EXOC6B: variants seen among roughly 807,000 people sequenced by gnomAD.
EXOC6B encodes SEC15 homolog B.
EXOC6B carries 54 observed loss-of-function variants against 113.5 expected under a neutral mutation model. The observed-to-expected ratio is 0.48, with a 90% CI of 0.38 to 0.60. EXOC6B has a LOEUF of 0.60. EXOC6B is among the 20% of genes least tolerant of loss of function. The probability of loss-of-function intolerance (pLI) is 0.00; values close to 1 mark genes in which losing one functional copy is unlikely to be tolerated. For missense variants in EXOC6B, 797 were observed against 977.5 expected, an observed-to-expected ratio of 0.82 and a Z score of 2.46; for synonymous variants, 357 against 339.0, an observed-to-expected ratio of 1.05 and a Z score of -0.58.
intron 18 of EXOC6B, among the ~76,000 whole-genome samples, chr2:72,438,774 C>T (rs998260017): frequency 1.2e-4 from 18 of 152,084 alleles, no homozygotes; most frequent in Admixed American, 2.6e-4. Flanking sequence ...ACTTTTAATG[C>T]ACTCTTTTTT....
rs191250106 is a variant in EXOC6B, at chr2:72,823,809, C to T, written c.113+1989G>A. On this transcript the variant is annotated intron_variant, in intron 1 of 21. Transcript: ENST00000272427. ...AAAAAAAAAGAAGGATGGTTGCATC[C>T]GCACTAAACATGCTACAGACATTTG... Among the ~76,000 whole-genome samples the T allele has an allele frequency of 8.5e-4, 130 of 152,094 alleles. 2 individuals carry two copies. In the South Asian group the frequency reaches 0.026, roughly 30 times the overall value.
intron 18 of EXOC6B, among the ~76,000 whole-genome samples, chr2:72,386,015 T>C (rs541272798): frequency 2.6e-5 from 4 of 152,208 alleles, no homozygotes; most frequent in South Asian, 4.1e-4. Flanking sequence ...AATGAATATA[T>C]ACCCAAAGGA....
Position 72,196,644 on chromosome 2 carries a change from C to T in EXOC6B, c.2197-12457G>A, listed in dbSNP as rs75891487. Among the ~76,000 whole-genome samples the T allele has an allele frequency of 2.6e-3, 390 of 152,250 alleles. 2 individuals carry two copies. The highest frequency in any genetic ancestry group is 6.8e-3 in the Middle Eastern group (2 of 294). ...CATTTTTGTTTGTTTGTTTTCCATCCATAAACTTCAAATTTCAAAAGGGTT... is the reference window on the plus strand; with the variant it reads ...CATTTTTGTTTGTTTGTTTTCCATCTATAAACTTCAAATTTCAAAAGGGTT... On this transcript the variant is annotated intron_variant, in intron 20 of 21. Transcript: ENST00000272427.
intron 6 of EXOC6B, among the ~76,000 whole-genome samples, chr2:72,646,849 G>A (rs1673759137): frequency 6.6e-6 from 1 of 152,110 alleles, no homozygotes; most frequent in South Asian, 2.1e-4. Context: ...ATATCATACT[G>A]AATGGGCAAA....
intron 20 of EXOC6B, among the ~76,000 whole-genome samples, chr2:72,325,328 G>A (rs1458005791): frequency 6.6e-6 from 1 of 152,048 alleles, no homozygotes; most frequent in Non-Finnish European, 1.5e-5. Context: ...AGATATAGCT[G>A]GTTGTGTCTG....
Position 72,638,488 on chromosome 2 carries a change from C to G in EXOC6B, c.670-62820G>C, listed in dbSNP as rs139050788. Among the ~76,000 whole-genome samples, 58 of 152,062 alleles carry G rather than the reference C, an allele frequency of 3.8e-4. No homozygotes were observed. In the East Asian group the frequency reaches 0.01, roughly 26 times the overall value. On this transcript the variant is annotated intron_variant, in intron 6 of 21. Coordinates refer to ENST00000272427, the MANE Select transcript of EXOC6B (RefSeq NM_015189.3). The stretch of plus-strand genomic sequence containing the variant: ...TCTGAGAGAAGGTACCGAGAGTGAA[C>G]AGAGGGAAAGACACAGAAGCTAGGC...
chr2:72,646,462 T>G (rs1673723033), intron 6 of EXOC6B, among the ~76,000 whole-genome samples: 1 of 152,124 alleles, frequency 6.6e-6, no homozygotes, highest in Non-Finnish European at 1.5e-5. Context: ...GAGGCCAGCA[T>G]CATCCTGATA....
At chr2:72,520,190 A>G (rs1217102178) in intron 8 of EXOC6B, among the ~76,000 whole-genome samples, 2 of 152,224 alleles carry the variant, frequency 1.3e-5, no homozygotes, top group African/African-American at 4.8e-5. Flanking sequence ...CTCCTACAAC[A>G]ATGCCAGACA....
Position 72,582,565 on chromosome 2 carries a change from G to A in EXOC6B, c.670-6897C>T, listed in dbSNP as rs569587833. On this transcript the variant is annotated intron_variant, in intron 6 of 21. Coordinates refer to ENST00000272427, the MANE Select transcript of EXOC6B (RefSeq NM_015189.3). ...TTTTTTTTTTTTGAGATGGAGTTTC[G>A]CTCTTGTTGCCCAGGCTGGAGTGAA... Among the ~76,000 whole-genome samples the A allele has an allele frequency of 6.0e-5, 9 of 150,740 alleles. No homozygotes were observed. The South Asian group carries it at 1.3e-3, about 21-fold the overall frequency.
intron 17 of EXOC6B, among the ~76,000 whole-genome samples, chr2:72,478,178 C>G (rs1698864101): frequency 6.6e-6 from 1 of 152,124 alleles, no homozygotes; most frequent in Non-Finnish European, 1.5e-5. Flanking sequence ...GATGATTACA[C>G]AGTAGATACA....
intron 19 of EXOC6B, among the ~76,000 whole-genome samples, chr2:72,378,574 T>C (rs114908015): frequency 0.012 from 1,770 of 152,334 alleles, 37 homozygotes; most frequent in African/African-American, 0.039. Flanking sequence ...AGGGTAACTT[T>C]GATACCTTTT....
intron 19 of EXOC6B, among the ~76,000 whole-genome samples, chr2:72,370,223 A>C (rs1001790244): frequency 2.0e-5 from 3 of 152,246 alleles, no homozygotes; most frequent in African/African-American, 7.2e-5. Flanking sequence ...ACACTTCTCA[A>C]AAGAAGACAT....
chr2:72,248,949 G>A (rs1682839078), intron 20 of EXOC6B, among the ~76,000 whole-genome samples: 1 of 152,192 alleles, frequency 6.6e-6, no homozygotes, highest in Non-Finnish European at 1.5e-5. Flanking sequence ...CAAATTTCTA[G>A]TTTCAACAGA....
chr2:72,463,031 A>C (rs939280751), intron 18 of EXOC6B: 1 of 152,108 alleles, frequency 6.6e-6, no homozygotes, highest in African/African-American at 2.4e-5. Context: ...ATGTCTTTCT[A>C]GAATACATCA....
intron 1 of EXOC6B, among the ~76,000 whole-genome samples, chr2:72,820,184 G>A (rs1163015318): frequency 1.3e-5 from 2 of 152,038 alleles, no homozygotes; most frequent in Admixed American, 1.3e-4. Context: ...TAAAGAGCTA[G>A]CTTTATAAAC....
intron 20 of EXOC6B, among the ~76,000 whole-genome samples, chr2:72,300,831 G>C (rs973926007): frequency 1.3e-5 from 2 of 152,100 alleles, no homozygotes; most frequent in African/African-American, 4.8e-5. Flanking sequence ...GCCCCACCCT[G>C]CTTCAAATTA....
At chr2:72,765,194 G>A (rs1301943785) in intron 1 of EXOC6B, among the ~76,000 whole-genome samples, 1 of 152,190 alleles carries the variant, frequency 6.6e-6, no homozygotes, top group Non-Finnish European at 1.5e-5. Flanking sequence ...TACTTGGAAT[G>A]CTGAGGCAGG....
intron 6 of EXOC6B, among the ~76,000 whole-genome samples, chr2:72,600,716 A>G (rs1670374502): frequency 6.6e-6 from 1 of 152,148 alleles, no homozygotes; most frequent in Admixed American, 6.5e-5. Context: ...TAGACCATAG[A>G]CCTAAATGTA....
intron 1 of EXOC6B, among the ~76,000 whole-genome samples, chr2:72,759,292 C>T (rs2104891051): frequency 1.3e-5 from 2 of 152,304 alleles, no homozygotes; most frequent in South Asian, 4.1e-4. Context: ...TTAAATCAAG[C>T]ATGGTCAAAT....
Sources: allele counts gnomAD v4.1 joint callset (sites outside exome capture counted in the v4.1 genomes callset), GRCh38; gene constraint gnomAD v4.1.1; transcripts MANE v1.5; gene names NCBI Gene and HGNC (gene_info 2026-07-23, HGNC 2026-07-21).